VPS13C: variants seen among roughly 807,000 people sequenced by gnomAD.
The protein encoded by VPS13C is intermembrane lipid transfer protein VPS13C.
VPS13C carries 358 observed loss-of-function variants against 456.8 expected under a neutral mutation model. The ratio of observed to expected loss-of-function variants is 0.78; its 90% CI spans 0.72 to 0.86. VPS13C has a LOEUF of 0.86. Among genes scored for constraint, VPS13C ranks in the 40% least tolerant of loss-of-function variants. The pLI, the probability that VPS13C is intolerant of heterozygous loss-of-function variation, is 0.00. For synonymous variants in VPS13C, 1,578 were observed against 1,486.7 expected (o/e 1.06, Z -1.41); for missense variants, 4,818 against 4,385.4 (o/e 1.10, Z -2.79).
rs1339405501 is a variant in VPS13C, at chr15:62,006,068, T to A, written c.1290+1240A>T. Among the ~76,000 whole-genome samples, 5 of 148,620 alleles carry A rather than the reference T, an allele frequency of 3.4e-5. No homozygotes were observed. In the East Asian group the frequency reaches 9.8e-4, roughly 29 times the overall value. ...CTTTCCCGAGAAGTAAAAGCTGTTT[T>A]TTTGTTTTTGTTTTTTTTTAAAGAA... is the stretch of plus-strand genomic sequence containing the variant. On this transcript the variant is annotated intron_variant, in intron 15 of 84. Coordinates refer to ENST00000644861, the MANE Select transcript of VPS13C (RefSeq NM_020821.3).
chr15:61,976,668 T>C (rs2045711909), intron 24 of VPS13C, among the ~76,000 whole-genome samples: 1 of 152,062 alleles, frequency 6.6e-6, no homozygotes, highest in Middle Eastern at 3.2e-3. Context: ...TATTTCAATA[T>C]AGCTGTTTTT....
At chr15:61,882,808 T>C (rs1895968923) in intron 68 of VPS13C, 72 bp from the exon 69 acceptor site, 2 of 1,415,928 alleles carry the variant, frequency 1.4e-6, no homozygotes. Flanking sequence ...TAATATCTGT[T>C]TATTGATCAA....
chr15:61,920,161 A>AT lies in VPS13C; in HGVS notation c.7382dup (p.Asn2461LysfsTer54), dbSNP rs1315150327. The AT allele has an allele frequency of 4.3e-6, 7 of 1,613,480 alleles. No individual in the cohort carries two copies. Among genetic ancestry groups the AT allele is most frequent in the African/African-American group, 1.3e-5 (1 of 74,872 alleles). On this transcript the variant is annotated frameshift_variant, in exon 57 of 85. Transcript: ENST00000644861. LOFTEE classifies it high-confidence loss of function. ...CCATGCTGGCATACTCCAGTTCCAAATTCTGGCCAGCATCAACATCAAAAA... is the reference window on the plus strand; with the variant it reads ...CCATGCTGGCATACTCCAGTTCCAAATTTCTGGCCAGCATCAACATCAAAAA...
At chr15:61,981,321 A>G in intron 22 of VPS13C, 21 bp downstream of exon 22, 1 of 1,576,244 alleles carries the variant, frequency 6.3e-7, no homozygotes, top group Non-Finnish European at 8.6e-7. Flanking sequence ...TGGGCAGACA[A>G]AAAAACGCAT....
intron 53 of VPS13C, 110 bp downstream of exon 53, chr15:61,925,346 C>T (rs1001849623): frequency 3.7e-5 from 19 of 517,468 alleles, no homozygotes; most frequent in Admixed American, 3.2e-4. Context: ...ATGTGACTAG[C>T]ATAATGCTTG....
At chr15:61,862,388 G>A (rs1319098842) in intron 82 of VPS13C, among the ~76,000 whole-genome samples, 1 of 152,012 alleles carries the variant, frequency 6.6e-6, no homozygotes, top group Non-Finnish European at 1.5e-5. Flanking sequence ...TACTCCCACA[G>A]AATGGCTTAA....
chr15:62,059,046 A>G (rs905348038), intron 1 of VPS13C, among the ~76,000 whole-genome samples: 1 of 152,246 alleles, frequency 6.6e-6, no homozygotes, highest in African/African-American at 2.4e-5. Flanking sequence ...CAAGTTTAAA[A>G]AGAAAAAAAG....
chr15:61,951,154 T>G, intron 39 of VPS13C, 130 bp from the exon 40 acceptor site: 1 of 562,566 alleles, frequency 1.8e-6, no homozygotes, highest in Non-Finnish European at 3.1e-6. Context: ...GAGTGAAGTA[T>G]GTTCTGTATA....
At chr15:62,003,395 C>T (rs916763466) in intron 15 of VPS13C, among the ~76,000 whole-genome samples, 2 of 151,786 alleles carry the variant, frequency 1.3e-5, no homozygotes, top group African/African-American at 4.9e-5. Context: ...GCTGAAGTTG[C>T]TTATCAGCTT....
intron 53 of VPS13C, 100 bp from the exon 54 acceptor site, chr15:61,922,862 C>G: frequency 1.1e-6 from 1 of 926,110 alleles, no homozygotes; most frequent in Middle Eastern, 3.9e-4. Flanking sequence ...TTATAAGTGA[C>G]ATTTTTAAAT....
intron 82 of VPS13C, among the ~76,000 whole-genome samples, chr15:61,859,357 C>T (rs911186248): frequency 6.6e-6 from 1 of 152,096 alleles, no homozygotes; most frequent in African/African-American, 2.4e-5. Context: ...AAATGAGAAC[C>T]TGTTTCAAAA....
intron 1 of VPS13C, among the ~76,000 whole-genome samples, chr15:62,059,896 A>C (rs2048936651): frequency 6.6e-6 from 1 of 152,122 alleles, no homozygotes; most frequent in Non-Finnish European, 1.5e-5. Flanking sequence ...CCAGACAACC[A>C]TGCTCACTCC....
intron 5 of VPS13C, among the ~76,000 whole-genome samples, chr15:62,031,873 G>A (rs144884933): frequency 3.0e-3 from 454 of 151,924 alleles, no homozygotes; most frequent in Non-Finnish European, 4.6e-3. Flanking sequence ...TACGAAATGT[G>A]TAATAATCAT....
At chr15:62,038,284 A>G (rs868079917) in intron 3 of VPS13C, among the ~76,000 whole-genome samples, 6 of 152,170 alleles carry the variant, frequency 3.9e-5, no homozygotes, top group Non-Finnish European at 8.8e-5. Flanking sequence ...TTAAACAAAT[A>G]GGACTTAACT....
chr15:61,874,834 T>C (rs777566547), intron 77 of VPS13C, 42 bp downstream of exon 77: 2 of 1,483,638 alleles, frequency 1.3e-6, no homozygotes, highest in Admixed American at 2.1e-5. Context: ...CATAACAATA[T>C]AATAAAAAAT....
At chr15:61,872,656 T>C (rs573500421) in intron 78 of VPS13C, among the ~76,000 whole-genome samples, 30 of 152,208 alleles carry the variant, frequency 2.0e-4, no homozygotes, top group African/African-American at 7.2e-4. Flanking sequence ...GTATATTCTA[T>C]GAACACACAG....
intron 16 of VPS13C, among the ~76,000 whole-genome samples, chr15:61,994,718 T>A (rs1352859850): frequency 1.3e-5 from 2 of 152,000 alleles, no homozygotes; most frequent in Non-Finnish European, 2.9e-5. Context: ...GTCTCCCAAG[T>A]AGCTGAGATT....
chr15:61,934,700 T>C (rs1425269134), intron 48 of VPS13C, among the ~76,000 whole-genome samples: 1 of 152,166 alleles, frequency 6.6e-6, no homozygotes, highest in African/African-American at 2.4e-5. Flanking sequence ...AGACAGCTAG[T>C]AACAGATTTT....
In VPS13C at chr15:61,858,175, C is replaced by T. The variant is rs933448205; in HGVS notation, c.10953-1766G>A. Among the ~76,000 whole-genome samples the T allele has an allele frequency of 6.6e-6, 1 of 152,100 alleles. No homozygotes were observed. The highest frequency in any genetic ancestry group is 1.9e-4 in the East Asian group (1 of 5,186). Reference sequence around the variant, plus strand: ...CTCTTTACCATCCCAATAATACTACCGTTCTCCTTCCACCTAGAATGTCTC... The same window carrying T: ...CTCTTTACCATCCCAATAATACTACTGTTCTCCTTCCACCTAGAATGTCTC... On this transcript the variant is annotated intron_variant, in intron 82 of 84. Transcript: ENST00000644861. The surrounding 1 kb of genome is among the most constrained non-coding windows in gnomAD (Gnocchi z 4.4).
Sources: allele counts gnomAD v4.1 joint callset (sites outside exome capture counted in the v4.1 genomes callset), GRCh38; gene constraint gnomAD v4.1.1; non-coding constraint Gnocchi (gnomAD v3.1); transcripts MANE v1.5; gene names NCBI Gene and HGNC (gene_info 2026-07-23, HGNC 2026-07-21).